NUDT3: variants seen among roughly 807,000 people sequenced by gnomAD.
NUDT3 encodes the protein nudix hydrolase 3, also known as diphosphoinositol polyphosphate phosphohydrolase 1.
In NUDT3, 9 loss-of-function variants were observed where a neutral mutation model predicts 23.6. The observed-to-expected ratio is 0.38, with a 90% CI of 0.23 to 0.66. NUDT3 has a LOEUF of 0.66. NUDT3 is among the 30% of genes least tolerant of loss of function. NUDT3 has a pLI of 0.52. For missense variants in NUDT3, 172 were observed against 218.5 expected (o/e 0.79, Z 1.34); for synonymous variants, 86 against 82.6 (o/e 1.04, Z -0.22).
chr6:34,299,909 A>T (rs764559734), intron 2 of NUDT3, among the ~76,000 whole-genome samples: 14,568 of 150,842 alleles, frequency 0.097, 813 homozygotes, highest in Non-Finnish European at 0.12. Flanking sequence ...TCAAAAAAAA[A>T]AAAAATATTT....
intron 2 of NUDT3, among the ~76,000 whole-genome samples, chr6:34,335,299 GGTCACCTAAGAGTC>G (rs1280986758): frequency 6.6e-6 from 1 of 152,142 alleles, no homozygotes. Context: ...TGGCCTATCA[GGTCACCTAAGAGTC>G]GTGGCCTCAT....
intron 1 of NUDT3, among the ~76,000 whole-genome samples, chr6:34,371,578 C>T (rs570429610): frequency 1.2e-4 from 18 of 152,218 alleles, no homozygotes; most frequent in South Asian, 8.3e-4. Context: ...TGATTCCTTA[C>T]GAGATCCTTT....
At chr6:34,345,333 C>T (rs942811446) in intron 1 of NUDT3, among the ~76,000 whole-genome samples, 2 of 151,178 alleles carry the variant, frequency 1.3e-5, no homozygotes, top group Non-Finnish European at 3.0e-5. Context: ...TGTAGGTGTG[C>T]GACCATGCCC....
chr6:34,383,684 G>A (rs1481707539), intron 1 of NUDT3, among the ~76,000 whole-genome samples: 1 of 152,168 alleles, frequency 6.6e-6, no homozygotes, highest in East Asian at 1.9e-4. Context: ...CAGTAGATGT[G>A]CAGCACTATT....
chr6:34,306,497 CT>C (rs775606224), intron 2 of NUDT3, among the ~76,000 whole-genome samples: 2 of 152,222 alleles, frequency 1.3e-5, no homozygotes, highest in Non-Finnish European at 2.9e-5. Context: ...GGAAAGTAAG[CT>C]GTGGATATAT....
intron 1 of NUDT3, among the ~76,000 whole-genome samples, chr6:34,351,216 A>AAAAAAAAAAAAAAAAAAAAAC (rs1561915130): frequency 1.5e-5 from 2 of 130,730 alleles, no homozygotes; most frequent in African/African-American, 6.7e-5. Context: ...AAAAAAAAAA[A>AAAAAAAAAAAAAAAAAAAAAC]AAAAAAAAAA....
At chr6:34,376,434 A>G (rs1485449362) in intron 1 of NUDT3, among the ~76,000 whole-genome samples, 1 of 151,998 alleles carries the variant, frequency 6.6e-6, no homozygotes, top group Non-Finnish European at 1.5e-5. Context: ...ATGCACCACC[A>G]TGCACAGCTA....
rs528133675 is a variant in NUDT3, at chr6:34,381,054, T to C, written c.99+11210A>G. Among the ~76,000 whole-genome samples the C allele has an allele frequency of 1.4e-3, 209 of 152,290 alleles. 1 individual carries two copies. The highest frequency in any genetic ancestry group is 1.2e-3 in the Non-Finnish European group (81 of 68,032). ...GCTTTTTAGACAGGGTCTTACTCTG[T>C]CACCCAGGCTGAAGTGCAGTGGCAC... On this transcript the variant is annotated intron_variant, in intron 1 of 4. Transcript: ENST00000607016.
chr6:34,385,640 C>T (rs1475274893), intron 1 of NUDT3, among the ~76,000 whole-genome samples: 1 of 151,122 alleles, frequency 6.6e-6, no homozygotes, highest in African/African-American at 2.4e-5. Context: ...AAGATCCCCT[C>T]TCCAGTCTTC....
intron 1 of NUDT3, among the ~76,000 whole-genome samples, chr6:34,364,822 A>C (rs1453446366): frequency 6.7e-6 from 1 of 150,296 alleles, no homozygotes; most frequent in Non-Finnish European, 1.5e-5. Flanking sequence ...TCACGAGGTC[A>C]GGAGATCGAG....
chr6:34,342,121 GTTTCTA>G (rs1194269740), intron 1 of NUDT3, 149 bp from the exon 2 acceptor site: 1 of 693,534 alleles, frequency 1.4e-6, no homozygotes, highest in African/African-American at 1.8e-5. Flanking sequence ...AGTAGCTTTC[GTTTCTA>G]TTTGAAAAAG....
At chr6:34,305,034 G>A (rs887089337) in intron 2 of NUDT3, among the ~76,000 whole-genome samples, 2 of 138,824 alleles carry the variant, frequency 1.4e-5, no homozygotes, top group African/African-American at 5.5e-5. Context: ...CCAGGCAGGA[G>A]AGCAATGGCG....
intron 1 of NUDT3, among the ~76,000 whole-genome samples, chr6:34,390,795 A>C (rs1460606206): frequency 1.3e-5 from 2 of 152,234 alleles, no homozygotes; most frequent in East Asian, 3.8e-4. Flanking sequence ...CCTTCAGTTA[A>C]GAGCCTGTGA....
intron 2 of NUDT3, among the ~76,000 whole-genome samples, chr6:34,328,257 C>T (rs535842367): frequency 1.3e-5 from 2 of 152,254 alleles, no homozygotes; most frequent in African/African-American, 4.8e-5. Context: ...CTTCCCCTTA[C>T]CCCCATCTTT....
At chr6:34,307,848 G>A (rs553750225) in intron 2 of NUDT3, among the ~76,000 whole-genome samples, 26 of 152,126 alleles carry the variant, frequency 1.7e-4, no homozygotes, top group South Asian at 4.2e-4. Flanking sequence ...GTTGGGTGCA[G>A]GGGCTCATGC....
chr6:34,356,978 C>T (rs538262460), intron 1 of NUDT3, among the ~76,000 whole-genome samples: 2 of 152,136 alleles, frequency 1.3e-5, no homozygotes, highest in East Asian at 1.9e-4. Context: ...AGGGTTTCAC[C>T]GTGTTAGCCA....
intron 2 of NUDT3, among the ~76,000 whole-genome samples, chr6:34,306,478 G>T (rs1401535944): frequency 1.3e-5 from 2 of 152,198 alleles, no homozygotes; most frequent in Non-Finnish European, 2.9e-5. Flanking sequence ...TAATTATATT[G>T]AAGTCAATGG....
chr6:34,292,478 CG>C (rs1561897255), intron 4 of NUDT3, among the ~76,000 whole-genome samples: 1 of 151,988 alleles, frequency 6.6e-6, no homozygotes, highest in Non-Finnish European at 1.5e-5. Flanking sequence ...AAGATGTAAA[CG>C]TAACAGCCAT....
chr6:34,373,895 T>C (rs1398271150), intron 1 of NUDT3, among the ~76,000 whole-genome samples: 1 of 152,180 alleles, frequency 6.6e-6, no homozygotes, highest in Non-Finnish European at 1.5e-5. Flanking sequence ...GGCTCATGCC[T>C]GTAATCCCAG....
Sources: gnomAD v4.1 joint callset for allele counts (sites outside exome capture counted in the v4.1 genomes callset) on GRCh38, gnomAD v4.1.1 for gene constraint, MANE v1.5 for transcripts, NCBI Gene and HGNC (gene_info 2026-07-23, HGNC 2026-07-21) for gene names.